Variants in GLIS3 observed in about 807,000 individuals in gnomAD.
The protein encoded by GLIS3 is GLIS family zinc finger 3.
A neutral mutation model predicts 78.6 loss-of-function variants in GLIS3; 53 were observed. That is an observed-to-expected ratio of 0.67 (90% CI 0.54 to 0.85). The LOEUF is 0.85. Ranked by LOEUF, GLIS3 falls within the 40% of genes least tolerant of loss-of-function variation. The pLI is 0.00. For synonymous variants in GLIS3, 684 were observed against 509.9 expected (o/e 1.34, Z -4.60); for missense variants, 1,703 against 1,231.1 (o/e 1.38, Z -5.74).
chr9:4,027,056 C>G (rs1823407267), intron 4 of GLIS3, among the ~76,000 whole-genome samples: 1 of 152,146 alleles, frequency 6.6e-6, no homozygotes, highest in South Asian at 2.1e-4. Flanking sequence ...ACATGTCAAC[C>G]CTGCCCCATC....
chr9:4,194,972 A>C (rs565080257), intron 2 of GLIS3, among the ~76,000 whole-genome samples: 2 of 152,060 alleles, frequency 1.3e-5, no homozygotes, highest in South Asian at 4.1e-4. Context: ...TGTAGCCACA[A>C]AGGCATTTTA....
intron 3 of GLIS3, among the ~76,000 whole-genome samples, chr9:4,125,052 T>C (rs1409632728): frequency 1.3e-5 from 2 of 152,228 alleles, no homozygotes; most frequent in Non-Finnish European, 2.9e-5. Flanking sequence ...CCTTTTCTAT[T>C]CAATTCCCTC....
At chr9:3,901,838 G>A (rs1214688758) in intron 6 of GLIS3, among the ~76,000 whole-genome samples, 1 of 152,004 alleles carries the variant, frequency 6.6e-6, no homozygotes, top group African/African-American at 2.4e-5. Context: ...TGTTATTTTT[G>A]TACTAACCTA....
chr9:3,883,006 A>T (rs1337479144), intron 7 of GLIS3, among the ~76,000 whole-genome samples: 2 of 152,186 alleles, frequency 1.3e-5, no homozygotes, highest in African/African-American at 2.4e-5. Context: ...TGTGACCAAG[A>T]TGATGACCAG....
chr9:4,091,398 G>A lies in GLIS3; in HGVS notation c.1710+26370C>T, dbSNP rs145871410. Reference sequence around the variant, plus strand: ...AATTAAGTTAAAAAAATAATTAAACGTTTGTAAGATTGGTACACGGTAAGC... The same window carrying A: ...AATTAAGTTAAAAAAATAATTAAACATTTGTAAGATTGGTACACGGTAAGC... On this transcript the variant is annotated intron_variant, in intron 4 of 10. Coordinates refer to ENST00000381971, the MANE Select transcript of GLIS3 (RefSeq NM_001042413.2). Among the ~76,000 whole-genome samples the A allele has an allele frequency of 3.2e-4, 49 of 151,978 alleles. 1 individual carries two copies. In the East Asian group the frequency reaches 4.2e-3, roughly 13 times the overall value.
chr9:4,467,177 C>A, the GLIS3 span, among the ~76,000 whole-genome samples: 3 of 152,208 alleles, frequency 2.0e-5, no homozygotes, highest in Non-Finnish European at 1.5e-5. Flanking sequence ...AGGAGGCCTG[C>A]CTGCCTCTGT....
chr9:4,371,808 C>T, the GLIS3 span, among the ~76,000 whole-genome samples: 1 of 152,232 alleles, frequency 6.6e-6, no homozygotes, highest in East Asian at 1.9e-4. Context: ...AGCCTGGCTC[C>T]AGTTGCCCTG....
chr9:4,292,333 G>C (rs1356735143), intron 1 of GLIS3, among the ~76,000 whole-genome samples: 2 of 152,072 alleles, frequency 1.3e-5, no homozygotes, highest in African/African-American at 4.8e-5. Flanking sequence ...ACTTATTTGT[G>C]GGTATACCTA....
At chr9:4,069,499 G>T (rs559530970) in intron 4 of GLIS3, among the ~76,000 whole-genome samples, 1 of 152,300 alleles carries the variant, frequency 6.6e-6, no homozygotes, top group Non-Finnish European at 1.5e-5. Context: ...CCTGAGTCTG[G>T]AACAGCCAGC....
At chr9:4,432,378 G>C in the GLIS3 span, among the ~76,000 whole-genome samples, 1 of 152,176 alleles carries the variant, frequency 6.6e-6, no homozygotes, top group East Asian at 1.9e-4. Flanking sequence ...GACAGCATGA[G>C]CAAATGTATA....
chr9:4,165,188 C>G (rs1230547933), intron 2 of GLIS3, among the ~76,000 whole-genome samples: 14 of 152,172 alleles, frequency 9.2e-5, no homozygotes, highest in Admixed American at 9.2e-4. Context: ...CACCTGTAAT[C>G]CCAGCACTTT....
chr9:4,343,019 A>G (rs1246811097), intron 2 of GLIS3, among the ~76,000 whole-genome samples: 1 of 152,148 alleles, frequency 6.6e-6, no homozygotes, highest in African/African-American at 2.4e-5. Flanking sequence ...TTTAACATTG[A>G]TAATCATTAG....
chr9:4,408,123 A>G, the GLIS3 span, among the ~76,000 whole-genome samples: 2 of 152,206 alleles, frequency 1.3e-5, no homozygotes, highest in African/African-American at 4.8e-5. Flanking sequence ...AACAAATGCT[A>G]GCAAGAATGT....
At chr9:4,405,359 AAAAAAG>A in the GLIS3 span, among the ~76,000 whole-genome samples, 10 of 151,870 alleles carry the variant, frequency 6.6e-5, no homozygotes, top group Non-Finnish European at 1.0e-4. Context: ...CATCTTAAAA[AAAAAAG>A]AAAAAGAAAA....
In GLIS3 at chr9:4,117,654, GATACCTAGACCCCCACGC is replaced by G. The variant is rs1313772201; in HGVS notation, c.1710+96_1710+113del. The G allele has an allele frequency of 2.6e-6, 3 of 1,169,772 alleles. No individual in the cohort carries two copies. In the African/African-American group the frequency reaches 4.5e-5, roughly 18 times the overall value. 72.5% of individuals were successfully genotyped at this position (1,169,772 alleles called of 1,614,324 possible). A position where few individuals can be genotyped will look rare whatever the true frequency, so the allele number is the denominator to read the frequency against. ...AGCTGAAGGGGAACCCCATCTCATG[GATACCTAGACCCCCACGC>G]ATGCAAACTCCATGGGCCGAGTTAG... is the stretch of plus-strand genomic sequence containing the variant. On this transcript the variant is annotated intron_variant, in intron 4 of 10. Transcript: ENST00000381971.
intron 8 of GLIS3, among the ~76,000 whole-genome samples, chr9:3,875,805 G>A (rs1821272207): frequency 6.6e-6 from 1 of 152,142 alleles, no homozygotes; most frequent in Admixed American, 6.5e-5. Context: ...GGAGAATATA[G>A]CAGCAAGGCA....
At chr9:4,017,665 G>T (rs1822547553) in intron 4 of GLIS3, among the ~76,000 whole-genome samples, 1 of 152,158 alleles carries the variant, frequency 6.6e-6, no homozygotes, top group Non-Finnish European at 1.5e-5. Flanking sequence ...GAGGAGAAGA[G>T]TCACAGACAA....
chr9:4,392,341 G>A, the GLIS3 span, among the ~76,000 whole-genome samples: 1 of 152,116 alleles, frequency 6.6e-6, no homozygotes, highest in Non-Finnish European at 1.5e-5. Context: ...AACCACCATG[G>A]CACACGTTTG....
At chr9:4,061,750 A>G (rs1027998442) in intron 4 of GLIS3, among the ~76,000 whole-genome samples, 1 of 152,206 alleles carries the variant, frequency 6.6e-6, no homozygotes, top group Admixed American at 6.5e-5. Flanking sequence ...AAATGTTTCT[A>G]AAGAAAAAAA....
Sources: allele counts gnomAD v4.1 joint callset (sites outside exome capture counted in the v4.1 genomes callset), GRCh38; gene constraint gnomAD v4.1.1; transcripts MANE v1.5; gene names NCBI Gene and HGNC (gene_info 2026-07-23, HGNC 2026-07-21).